The following ATP1B1 variants were observed in gnomAD, a reference collection of about 807,000 sequenced individuals.
ATP1B1 encodes the protein sodium/potassium-transporting ATPase subunit beta-1.
A neutral mutation model predicts 39.6 loss-of-function variants in ATP1B1; 3 were observed. That is an observed-to-expected ratio of 0.08 (90% CI 0.03 to 0.20). ATP1B1 has a LOEUF of 0.20. ATP1B1 is among the 10% of genes least tolerant of loss of function. The pLI is 1.00. For synonymous variants in ATP1B1, 139 were observed against 135.0 expected, an observed-to-expected ratio of 1.03 and a Z score of -0.20; for missense variants, 216 against 371.1, an observed-to-expected ratio of 0.58 and a Z score of 3.43.
chr1:169,131,745 A>G lies in ATP1B1; in HGVS notation c.*190A>G. On this transcript the variant is annotated 3_prime_UTR_variant, in exon 6 of 6. Transcript: ENST00000367815. The surrounding 1 kb of genome is among the most constrained non-coding windows in gnomAD (Gnocchi z 4.4). ...GTGTAGCAATAGCAACAAAATATTT[A>G]TTCTACTGTAAATGACAAAAGAAAA... The G allele has an allele frequency of 1.4e-6, 1 of 700,712 alleles. No homozygotes were observed. Among genetic ancestry groups the G allele is most frequent in the Non-Finnish European group, 2.2e-6 (1 of 452,884 alleles). The allele number at this position is 700,712 out of a possible 1,614,324, so 43.4% of individuals were successfully genotyped here. A position where few individuals can be genotyped will look rare whatever the true frequency, so the allele number is the denominator to read the frequency against.
chr1:169,123,712 C>T (rs1406652559), intron 2 of ATP1B1, among the ~76,000 whole-genome samples: 6 of 151,710 alleles, frequency 4.0e-5, no homozygotes, highest in African/African-American at 1.2e-4. Context: ...CTGCAACCTC[C>T]GCCTCCCGGG....
At chr1:169,112,480 G>A (rs1657748877) in intron 2 of ATP1B1, among the ~76,000 whole-genome samples, 1 of 152,262 alleles carries the variant, frequency 6.6e-6, no homozygotes, top group Admixed American at 6.5e-5. Context: ...GCAATGACTT[G>A]TCCCTTCTCT....
At chr1:169,113,971 G>A (rs931109887) in intron 2 of ATP1B1, among the ~76,000 whole-genome samples, 3 of 151,886 alleles carry the variant, frequency 2.0e-5, no homozygotes, top group Admixed American at 6.6e-5. Context: ...GGGGTTTTTC[G>A]GGGGCCTTTA....
chr1:169,113,749 C>T (rs750246066), intron 2 of ATP1B1, among the ~76,000 whole-genome samples: 1 of 152,186 alleles, frequency 6.6e-6, no homozygotes, highest in Non-Finnish European at 1.5e-5. Context: ...ACTGACCTGA[C>T]AAACCCTGAC....
At chr1:169,113,395 A>G (rs1434255739) in intron 2 of ATP1B1, among the ~76,000 whole-genome samples, 1 of 152,084 alleles carries the variant, frequency 6.6e-6, no homozygotes, top group Non-Finnish European at 1.5e-5. Context: ...CTTATACTCA[A>G]AGCCAAATAC....
In ATP1B1 at chr1:169,125,907, C is replaced by T. The variant is rs549053661; in HGVS notation, c.382+868C>T. Among the ~76,000 whole-genome samples the T allele has an allele frequency of 3.9e-5, 6 of 152,136 alleles. No homozygotes were observed. The South Asian group carries it at 1.2e-3, about 32-fold the overall frequency. On this transcript the variant is annotated intron_variant, in intron 3 of 5. Coordinates refer to ENST00000367815, the MANE Select transcript of ATP1B1 (RefSeq NM_001677.4). ...GGAGGATCACTTGAGCCTGGGAGGT[C>T]GAGGCTGCAATAAGCCATGATCACG...
intron 2 of ATP1B1, among the ~76,000 whole-genome samples, chr1:169,124,170 AT>A (rs1209742068): frequency 6.6e-6 from 1 of 152,160 alleles, no homozygotes; most frequent in Non-Finnish European, 1.5e-5. Context: ...CGGCTTTTGG[AT>A]ATTAAAGAAT....
intron 1 of ATP1B1, among the ~76,000 whole-genome samples, chr1:169,109,022 C>G (rs1338421440): frequency 6.6e-6 from 1 of 152,180 alleles, no homozygotes; most frequent in African/African-American, 2.4e-5. Context: ...GGGCAGGATG[C>G]CCTTGGCTCG....
intron 5 of ATP1B1, among the ~76,000 whole-genome samples, chr1:169,130,697 C>T (rs1658192743): frequency 1.4e-5 from 2 of 144,638 alleles, no homozygotes; most frequent in South Asian, 2.2e-4. Flanking sequence ...GCAGGAGAAT[C>T]GCTTGGACCT....
At chr1:169,116,400 A>C (rs1336567806) in intron 2 of ATP1B1, among the ~76,000 whole-genome samples, 2 of 152,184 alleles carry the variant, frequency 1.3e-5, no homozygotes, top group Admixed American at 1.3e-4. Context: ...TAGACGGCTC[A>C]GTGCTAGCAG....
At chr1:169,117,973 T>C (rs1026735673) in intron 2 of ATP1B1, among the ~76,000 whole-genome samples, 2 of 152,266 alleles carry the variant, frequency 1.3e-5, no homozygotes, top group Non-Finnish European at 2.9e-5. Context: ...GTACTTGCTC[T>C]TCAGTTTGGC....
At chr1:169,129,899 G>A (rs75112989) in intron 4 of ATP1B1, 111 bp from the exon 5 acceptor site, 55,079 of 924,626 alleles carry the variant, frequency 0.06, 1,888 homozygotes, top group South Asian at 0.1. Context: ...TGTTATTTTG[G>A]TTGACTTACT....
At chr1:169,119,864 A>G (rs184783952) in intron 2 of ATP1B1, among the ~76,000 whole-genome samples, 9 of 152,222 alleles carry the variant, frequency 5.9e-5, no homozygotes, top group East Asian at 1.9e-4. Context: ...ATTGCTTTCT[A>G]TCTCTTCTTA....
chr1:169,107,000 C>G (rs975030649), intron 1 of ATP1B1, 74 bp downstream of exon 1: 8 of 1,418,388 alleles, frequency 5.6e-6, no homozygotes, highest in Non-Finnish European at 5.7e-6. Flanking sequence ...GCGCAGGGTC[C>G]GCGGCCGGTT....
intron 5 of ATP1B1, among the ~76,000 whole-genome samples, chr1:169,130,873 A>G (rs373918748): frequency 6.6e-6 from 1 of 152,116 alleles, no homozygotes; most frequent in East Asian, 1.9e-4. Flanking sequence ...GACCGTTTAG[A>G]GAGAAAGGCA....
At chr1:169,127,746 CTGG>C (rs1658118192) in intron 4 of ATP1B1, among the ~76,000 whole-genome samples, 1 of 151,144 alleles carries the variant, frequency 6.6e-6, no homozygotes, top group African/African-American at 2.4e-5. Flanking sequence ...TATTTTTTCC[CTGG>C]TGGTCTAGTG....
chr1:169,122,076 A>C (rs1472934397), intron 2 of ATP1B1, among the ~76,000 whole-genome samples: 1 of 151,794 alleles, frequency 6.6e-6, no homozygotes, highest in Non-Finnish European at 1.5e-5. Flanking sequence ...TCTGTTCCTG[A>C]CTCCCAAACA....
chr1:169,116,770 G>A (rs1657855796), intron 2 of ATP1B1, among the ~76,000 whole-genome samples: 1 of 151,746 alleles, frequency 6.6e-6, no homozygotes, highest in African/African-American at 2.4e-5. Flanking sequence ...AGAATCACTT[G>A]AACCCGGAAG....
intron 2 of ATP1B1, among the ~76,000 whole-genome samples, chr1:169,123,579 C>T (rs1362290606): frequency 1.4e-5 from 2 of 141,926 alleles, no homozygotes; most frequent in Non-Finnish European, 3.1e-5. Context: ...AACTATATCT[C>T]TCTCTCTATA....
Sources: gnomAD v4.1 joint callset for allele counts (sites outside exome capture counted in the v4.1 genomes callset) on GRCh38, gnomAD v4.1.1 for gene constraint, Gnocchi (gnomAD v3.1) non-coding constraint, MANE v1.5 for transcripts, NCBI Gene and HGNC (gene_info 2026-07-23, HGNC 2026-07-21) for gene names.